Variants in CCNY observed in about 807,000 individuals in gnomAD.
CCNY encodes the protein cyclin-Y.
CCNY carries 19 observed loss-of-function variants against 42.8 expected under a neutral mutation model. The ratio of observed to expected loss-of-function variants is 0.44; its 90% CI spans 0.31 to 0.65. The LOEUF is 0.65. CCNY is among the 30% of genes least tolerant of loss of function. The pLI is 0.07. For missense variants in CCNY, 370 were observed against 437.3 expected (o/e 0.85, Z 1.37); for synonymous variants, 165 against 162.7 (o/e 1.01, Z -0.11).
At chr10:35,525,443 G>A (rs1840633369) in intron 4 of CCNY, among the ~76,000 whole-genome samples, 1 of 152,150 alleles carries the variant, frequency 6.6e-6, no homozygotes, top group Admixed American at 6.5e-5. Flanking sequence ...TTAAGGTAGT[G>A]CTACAAATAA....
At position 35,566,042 on chromosome 10, in the gene CCNY, T is replaced by C; in HGVS notation, c.766T>C (p.Phe256Leu). The change falls in exon 9 of 10, where the codon TTT becomes CTT. Residue 256 changes from phenylalanine to leucine, a missense_variant. Phe to Leu is a conservative substitution (Grantham distance 22). Coordinates refer to ENST00000374704, the MANE Select transcript of CCNY (RefSeq NM_145012.6). Reference protein sequence around the residue: ...VEDMNELERQFLELLQFNINV... With the variant: ...VEDMNELERQLLELLQFNINV... ...TTGCAGGAACGAGCTAGAGCGACAG[T>C]TTCTTGAATTGCTGCAGTTCAACAT... The C allele has an allele frequency of 1.2e-6, 2 of 1,613,806 alleles. No individual in the cohort carries two copies. Among genetic ancestry groups the C allele is most frequent in the Non-Finnish European group, 1.7e-6 (2 of 1,179,926 alleles).
At chr10:35,531,993 A>G (rs868603677) in intron 7 of CCNY, among the ~76,000 whole-genome samples, 11 of 152,326 alleles carry the variant, frequency 7.2e-5, no homozygotes, top group Middle Eastern at 3.4e-3. Context: ...AATAATTGTA[A>G]CTATTGAAAT....
chr10:35,337,381 C>G (rs1319936773), intron 1 of CCNY, among the ~76,000 whole-genome samples, 174 bp downstream of exon 1: 1 of 152,184 alleles, frequency 6.6e-6, no homozygotes, highest in Non-Finnish European at 1.5e-5. Flanking sequence ...GGGCGTACCC[C>G]TCGCTGGTTA....
intron 1 of CCNY, among the ~76,000 whole-genome samples, chr10:35,354,779 A>T (rs1263796380): frequency 6.6e-6 from 1 of 152,208 alleles, no homozygotes; most frequent in African/African-American, 2.4e-5. Context: ...GAGGAGCATA[A>T]CTAAGTCTCA....
chr10:35,499,371 A>G (rs1275986765), intron 2 of CCNY, among the ~76,000 whole-genome samples: 2 of 152,196 alleles, frequency 1.3e-5, no homozygotes, highest in African/African-American at 2.4e-5. Context: ...ACTTATCACT[A>G]TCATGAGAAC....
chr10:35,322,207 AGCTGGGCATCG>A (rs1835829544), intron 3 of CCNY, among the ~76,000 whole-genome samples: 1 of 152,156 alleles, frequency 6.6e-6, no homozygotes. Context: ...TACAAAAATT[AGCTGGGCATCG>A]CAGTGCTTGC....
intron 1 of CCNY, among the ~76,000 whole-genome samples, chr10:35,448,433 C>T (rs1165138030): frequency 1.3e-5 from 2 of 152,048 alleles, no homozygotes; most frequent in African/African-American, 4.8e-5. Flanking sequence ...TGTCTCTTTC[C>T]TCATAGGTAA....
At chr10:35,497,726 CAAAA>C (rs34502756) in intron 2 of CCNY, among the ~76,000 whole-genome samples, 4 of 73,606 alleles carry the variant, frequency 5.4e-5, no homozygotes, top group African/African-American at 9.7e-5. Flanking sequence ...GACTCCGTCT[CAAAA>C]AAAAAAAAAA....
At chr10:35,501,589 C>G in intron 3 of CCNY, 54 bp downstream of exon 3, 1 of 1,447,526 alleles carries the variant, frequency 6.9e-7, no homozygotes, top group Non-Finnish European at 9.7e-7. Flanking sequence ...GTGTAAAGAG[C>G]TAAAATAACT....
chr10:35,345,337 C>T (rs968042899), intron 1 of CCNY, among the ~76,000 whole-genome samples: 5 of 152,058 alleles, frequency 3.3e-5, no homozygotes, highest in South Asian at 2.1e-4. Context: ...GGTGTGGTGG[C>T]GGGTGCCTGT....
intron 1 of CCNY, among the ~76,000 whole-genome samples, chr10:35,370,352 C>T (rs575233144): frequency 4.1e-4 from 62 of 152,134 alleles, no homozygotes; most frequent in Non-Finnish European, 6.8e-4. Flanking sequence ...GGGGTTTCAC[C>T]GTGTTAGCCA....
chr10:35,393,828 G>A (rs1165364685), intron 1 of CCNY, among the ~76,000 whole-genome samples: 1 of 151,716 alleles, frequency 6.6e-6, no homozygotes, highest in African/African-American at 2.4e-5. Flanking sequence ...CGCACCTGTA[G>A]TTCTAGCCAC....
intron 1 of CCNY, among the ~76,000 whole-genome samples, chr10:35,418,055 T>C (rs932352200): frequency 2.0e-5 from 3 of 152,246 alleles, no homozygotes; most frequent in Non-Finnish European, 4.4e-5. Flanking sequence ...AGGATAAGAC[T>C]TTTGAGTATA....
intron 3 of CCNY, among the ~76,000 whole-genome samples, chr10:35,270,275 C>T (rs923878249): frequency 6.6e-6 from 1 of 152,090 alleles, no homozygotes; most frequent in Non-Finnish European, 1.5e-5. Context: ...CTCTCATGAC[C>T]CAGTCCCCTC....
At chr10:35,488,652 G>A (rs892228337) in intron 2 of CCNY, among the ~76,000 whole-genome samples, 1 of 152,188 alleles carries the variant, frequency 6.6e-6, no homozygotes, top group African/African-American at 2.4e-5. Flanking sequence ...TTGAAAAACT[G>A]AAGTCCCTCA....
chr10:35,303,887 A>C (rs1835570027), intron 3 of CCNY, among the ~76,000 whole-genome samples: 1 of 152,176 alleles, frequency 6.6e-6, no homozygotes, highest in Non-Finnish European at 1.5e-5. Context: ...CTAGTCTTTC[A>C]AATTTTCCTA....
rs536954965 is a variant in CCNY, at chr10:35,362,824, C to CG, written c.154+25624dup. 7.7e-3 allele frequency among the ~76,000 whole-genome samples: 1,097 copies of CG among 142,752 alleles called. 5 individuals are homozygous for CG. Among genetic ancestry groups the CG allele is most frequent in the Admixed American group, 0.012 (175 of 14,386 alleles). The allele number at this position is 142,752 out of a possible 152,430, so 93.7% of individuals were successfully genotyped here. On this transcript the variant is annotated intron_variant, in intron 1 of 9. Transcript: ENST00000374704. ...CGCTCCTCACTCCCCAGATAGTTGGCGGGGGGGCCAGGCAGAAGCACTCCT... is the reference window on the plus strand; with the variant it reads ...CGCTCCTCACTCCCCAGATAGTTGGCGGGGGGGGCCAGGCAGAAGCACTCCT...
intron 3 of CCNY, among the ~76,000 whole-genome samples, chr10:35,503,505 G>A (rs1397496687): frequency 6.6e-6 from 1 of 152,180 alleles, no homozygotes. Flanking sequence ...TATCATTTGA[G>A]TGAAATTACC....
chr10:35,533,666 C>T (rs929203654), intron 7 of CCNY, among the ~76,000 whole-genome samples: 7 of 152,208 alleles, frequency 4.6e-5, no homozygotes, highest in African/African-American at 1.4e-4. Flanking sequence ...CCTCCTGCAC[C>T]GCACTCCCTG....
Sources: gnomAD v4.1 joint callset for allele counts (sites outside exome capture counted in the v4.1 genomes callset) on GRCh38, gnomAD v4.1.1 for gene constraint, MANE v1.5 for transcripts, NCBI Gene and HGNC (gene_info 2026-07-23, HGNC 2026-07-21) for gene names.